Variants in ISLR2 observed in about 807,000 individuals in gnomAD.
The protein encoded by ISLR2 is immunoglobulin superfamily containing leucine-rich repeat protein 2.
In ISLR2, 16 loss-of-function variants were observed where a neutral mutation model predicts 25.5. The ratio of observed to expected loss-of-function variants is 0.63; its 90% confidence interval spans 0.43 to 0.95. ISLR2 has a LOEUF of 0.95. Among genes scored for constraint, ISLR2 ranks in the 40% least tolerant of loss-of-function variants. ISLR2 has a pLI of 0.00. For missense variants in ISLR2, 883 were observed against 1,030.7 expected (o/e 0.86, Z 1.96); for synonymous variants, 508 against 486.6 (o/e 1.04, Z -0.58).
downstream of ISLR2, among the ~76,000 whole-genome samples, chr15:74,139,863 A>AGT (rs10579764): frequency 0.016 from 2,091 of 128,080 alleles, 26 homozygotes; most frequent in South Asian, 0.046. Flanking sequence ...CGGCTTGAGG[A>AGT]GTGTGTGTGT....
At chr15:74,106,915 TCTC>T (rs2141926340) in intron 2 of ISLR2, among the ~76,000 whole-genome samples, 1 of 152,234 alleles carries the variant, frequency 6.6e-6, no homozygotes, top group African/African-American at 2.4e-5. Flanking sequence ...CTTCATTCTC[TCTC>T]CGCCCCCTTC....
chr15:74,108,455 C>T (rs1193250607), intron 2 of ISLR2, among the ~76,000 whole-genome samples: 1 of 152,122 alleles, frequency 6.6e-6, no homozygotes, highest in African/African-American at 2.4e-5. Context: ...CCTGAGGCTT[C>T]CACAGCAGCA....
intron 2 of ISLR2, among the ~76,000 whole-genome samples, chr15:74,122,880 G>A (rs888427802): frequency 6.6e-6 from 1 of 152,108 alleles, no homozygotes; most frequent in African/African-American, 2.4e-5. Flanking sequence ...CTCTGGGCCA[G>A]CCCTCCTGCG....
chr15:74,122,226 G>A (rs981207492), intron 2 of ISLR2, among the ~76,000 whole-genome samples: 12 of 152,234 alleles, frequency 7.9e-5, no homozygotes, highest in Admixed American at 4.6e-4. Context: ...CCAGTAAAGT[G>A]AAAGGGATAG....
At chr15:74,128,254 C>T (rs1260787363), upstream of ISLR2, 3 of 333,282 alleles carry the variant, frequency 9.0e-6, no homozygotes, top group African/African-American at 2.2e-5. Flanking sequence ...TGGGGCGACT[C>T]GGGCTCCAGC....
chr15:74,134,034 T>C lies in ISLR2; in HGVS notation c.1280T>C (p.Ile427Thr), dbSNP rs758181131. The C allele has an allele frequency of 6.2e-7, 1 of 1,613,428 alleles. No individual in the cohort carries two copies. Among genetic ancestry groups the C allele is most frequent in the African/African-American group, 1.3e-5 (1 of 74,910 alleles). Residue 427 changes from isoleucine to threonine, a missense_variant, in exon 3 of 3, where the codon ATT becomes ACT. Transcript: ENST00000453268. ...GGCCAAGGCCTGGCCAAGGTCAGCA[T>C]TCTCGGGGAGACCGAGACGGAGCCG... is the stretch of plus-strand genomic sequence containing the variant. ...IKGQGLAKVS[I>T]LGETETEPEE...
At chr15:74,121,219 C>T (rs937299097) in intron 2 of ISLR2, among the ~76,000 whole-genome samples, 1 of 152,156 alleles carries the variant, frequency 6.6e-6, no homozygotes, top group African/African-American at 2.4e-5. Context: ...CACGGGGCTA[C>T]CAGACAGCCG....
At chr15:74,121,120 G>A (rs911458202) in intron 2 of ISLR2, among the ~76,000 whole-genome samples, 16 of 151,984 alleles carry the variant, frequency 1.1e-4, no homozygotes, top group African/African-American at 3.6e-4. Flanking sequence ...ATCTCTCCAA[G>A]CCACCTTGAT....
At chr15:74,141,561 T>C (rs1275417749), downstream of ISLR2, among the ~76,000 whole-genome samples, 1 of 152,222 alleles carries the variant, frequency 6.6e-6, no homozygotes, top group African/African-American at 2.4e-5. Flanking sequence ...GTATAAATAC[T>C]AATAATACCA....
upstream of ISLR2, chr15:74,128,085 C>T (rs1450681393): frequency 1.3e-5 from 3 of 222,444 alleles, no homozygotes; most frequent in Non-Finnish European, 2.7e-5. Context: ...TGGTTCCCGG[C>T]TCCACAGCCC....
In ISLR2 at chr15:74,132,893, G is replaced by A. The variant is rs1014920305; in HGVS notation, c.139G>A (p.Glu47Lys). 1 of 1,613,994 alleles carries A rather than the reference G, an allele frequency of 6.2e-7. No homozygotes were observed. Among genetic ancestry groups the A allele is most frequent in the Non-Finnish European group, 8.5e-7 (1 of 1,179,962 alleles). ...TTACAAAGAGTTGCGTGAGGTGCCG[G>A]AAGGACTGCCTGCCAACGTGACGAC... ...CAYKELREVP[E>K]GLPANVTTLS... Residue 47 changes from glutamate to lysine, a missense_variant, in exon 3 of 3, where the codon GAA (glutamate) becomes AAA (lysine). Coordinates refer to ENST00000453268, the MANE Select transcript of ISLR2 (RefSeq NM_020851.3). This position sits in a 1 kb window ranked among gnomAD's most constrained non-coding sequence, Gnocchi z 4.3.
intron 2 of ISLR2, among the ~76,000 whole-genome samples, chr15:74,107,330 C>T (rs772109239): frequency 1.3e-5 from 2 of 152,206 alleles, no homozygotes; most frequent in African/African-American, 4.8e-5. Context: ...CCATTGTCCC[C>T]AGAGAGTCCC....
intron 1 of ISLR2, 117 bp downstream of exon 1, chr15:74,130,738 A>G (rs1038934515): frequency 1.3e-5 from 2 of 152,138 alleles, no homozygotes; most frequent in Non-Finnish European, 2.9e-5. Context: ...CATTGATGCG[A>G]TTATTACCTG....
chr15:74,117,670 A>G (rs573282397), intron 2 of ISLR2, among the ~76,000 whole-genome samples: 1 of 152,234 alleles, frequency 6.6e-6, no homozygotes, highest in Admixed American at 6.5e-5. Context: ...GCTACAGATT[A>G]AGATCCTGTC....
chr15:74,106,882 G>A (rs548398585), intron 2 of ISLR2, among the ~76,000 whole-genome samples: 3 of 152,138 alleles, frequency 2.0e-5, no homozygotes, highest in Non-Finnish European at 2.9e-5. Context: ...CCACAGCAGA[G>A]AGCCGAGAAT....
At chr15:74,128,108 A>G (rs2072323725), upstream of ISLR2, 1 of 251,470 alleles carries the variant, frequency 4.0e-6, no homozygotes, top group Non-Finnish European at 7.7e-6. Context: ...CCTAACTGTC[A>G]TTATTAACGT....
chr15:74,114,506 C>G (rs1382706238), intron 2 of ISLR2, among the ~76,000 whole-genome samples: 3 of 151,820 alleles, frequency 2.0e-5, no homozygotes, highest in Non-Finnish European at 2.9e-5. Flanking sequence ...ACCTGTAATC[C>G]CAGCACTTTG....
intron 2 of ISLR2, among the ~76,000 whole-genome samples, chr15:74,105,742 C>T (rs922026858): frequency 2.0e-5 from 3 of 152,072 alleles, no homozygotes; most frequent in Non-Finnish European, 2.9e-5. Flanking sequence ...GCAAAGCCTG[C>T]GTCCCAGAAT....
chr15:74,126,357 T>C (rs1340641652), upstream of ISLR2: 2 of 143,368 alleles, frequency 1.4e-5, no homozygotes, highest in South Asian at 2.4e-4. Context: ...ATTTTTTTTT[T>C]TTTTTTTTTT....
Sources: gnomAD v4.1 joint callset for allele counts (sites outside exome capture counted in the v4.1 genomes callset) on GRCh38, gnomAD v4.1.1 for gene constraint, Gnocchi (gnomAD v3.1) non-coding constraint, MANE v1.5 for transcripts, NCBI Gene and HGNC (gene_info 2026-07-23, HGNC 2026-07-21) for gene names.